The following CSMD1 variants were observed in gnomAD, a reference collection of about 807,000 sequenced individuals.
The protein encoded by CSMD1 is CUB and Sushi multiple domains 1, also known as CUB and sushi domain-containing protein 1.
Under a neutral mutation model 417.5 loss-of-function variants are expected in CSMD1, and 213 were observed. The observed-to-expected ratio is 0.51, with a 90% CI of 0.46 to 0.57. The LOEUF is 0.57. Ranked by LOEUF, CSMD1 falls within the 20% of genes least tolerant of loss-of-function variation. CSMD1 has a pLI of 0.00. For synonymous variants in CSMD1, 2,862 were observed against 1,736.8 expected, an observed-to-expected ratio of 1.65 and a Z score of -16.11; for missense variants, 6,923 against 4,529.7, an observed-to-expected ratio of 1.53 and a Z score of -15.17.
chr8:3,465,160 C>G (rs1460317641), intron 12 of CSMD1, among the ~76,000 whole-genome samples: 1 of 152,088 alleles, frequency 6.6e-6, no homozygotes, highest in Non-Finnish European at 1.5e-5. Context: ...AGCAGGGATC[C>G]CTGTTGTTTT....
chr8:4,190,871 T>C (rs1242756006), intron 3 of CSMD1, among the ~76,000 whole-genome samples: 3 of 151,376 alleles, frequency 2.0e-5, no homozygotes, highest in African/African-American at 7.3e-5. Flanking sequence ...TACCACATGA[T>C]CTGACTTCTA....
chr8:2,964,937 C>A (rs1479101837), intron 59 of CSMD1, among the ~76,000 whole-genome samples: 4 of 152,130 alleles, frequency 2.6e-5, no homozygotes, highest in Admixed American at 1.3e-4. Flanking sequence ...AGTGTCCTAA[C>A]TCTCCCTCCC....
chr8:4,219,794 G>A (rs1195390117), intron 3 of CSMD1, among the ~76,000 whole-genome samples: 1 of 152,138 alleles, frequency 6.6e-6, no homozygotes, highest in Non-Finnish European at 1.5e-5. Flanking sequence ...TAGCCATTAT[G>A]TATTAATGTC....
intron 2 of CSMD1, among the ~76,000 whole-genome samples, chr8:4,549,705 A>T (rs1797780941): frequency 6.6e-6 from 1 of 151,896 alleles, no homozygotes; most frequent in African/African-American, 2.4e-5. Context: ...CCTGGGCAAC[A>T]TGGCAAAACC....
At chr8:3,415,866 C>A (rs1466975877) in intron 12 of CSMD1, among the ~76,000 whole-genome samples, 1 of 152,084 alleles carries the variant, frequency 6.6e-6, no homozygotes, top group East Asian at 1.9e-4. Flanking sequence ...AGAAACATAT[C>A]CCCAAGTTTT....
At chr8:3,888,686 C>G (rs1469952547) in intron 5 of CSMD1, among the ~76,000 whole-genome samples, 1 of 152,124 alleles carries the variant, frequency 6.6e-6, no homozygotes, top group Admixed American at 6.6e-5. Context: ...GAGAAAGAGG[C>G]TGCCGGGACA....
chr8:4,886,934 T>G (rs930198936), intron 1 of CSMD1, among the ~76,000 whole-genome samples: 5 of 152,086 alleles, frequency 3.3e-5, no homozygotes, highest in Non-Finnish European at 7.4e-5. Context: ...AACCAACTTT[T>G]GATTTCACTC....
chr8:3,236,636 C>G (rs761252123), intron 26 of CSMD1, among the ~76,000 whole-genome samples: 13 of 152,220 alleles, frequency 8.5e-5, no homozygotes, highest in Non-Finnish European at 1.5e-4. Context: ...TTTTCCACTT[C>G]AGGCTCTTCA....
At chr8:4,627,654 C>T (rs1802197837) in intron 2 of CSMD1, among the ~76,000 whole-genome samples, 1 of 152,112 alleles carries the variant, frequency 6.6e-6, no homozygotes, top group South Asian at 2.1e-4. Flanking sequence ...CCTCCCATTC[C>T]TGGTCACTCC....
At chr8:4,013,209 G>A (rs1463512853) in intron 4 of CSMD1, among the ~76,000 whole-genome samples, 1 of 151,966 alleles carries the variant, frequency 6.6e-6, no homozygotes, top group African/African-American at 2.4e-5. Context: ...TATCCTCTGG[G>A]ATCCTCCGGG....
In CSMD1 at chr8:3,493,846, AT is replaced by A. The variant is rs1478798027; in HGVS notation, c.1345-121del. On this transcript the variant is annotated intron_variant, in intron 10 of 69. Transcript: ENST00000635120. Reference sequence around the variant, plus strand: ...TGCTCCTTAATGCCAATGTCAAATGATCCCAGAGCTGCTTTAAGTAGTTACA... The same window carrying A: ...TGCTCCTTAATGCCAATGTCAAATGACCCAGAGCTGCTTTAAGTAGTTACA... The A allele has an allele frequency of 7.5e-6, 5 of 663,800 alleles. No individual in the cohort carries two copies. In the African/African-American group the frequency reaches 9.1e-5, roughly 12 times the overall value. The allele number at this position is 663,800 out of a possible 1,614,324, so 41.1% of individuals were successfully genotyped here.
chr8:4,454,978 CAG>C, intron 2 of CSMD1, among the ~76,000 whole-genome samples: 1 of 152,182 alleles, frequency 6.6e-6, no homozygotes, highest in Middle Eastern at 3.4e-3. Context: ...CCTGGGATGG[CAG>C]AGTTAGGAGA....
chr8:3,472,298 G>A (rs180972826), intron 11 of CSMD1, among the ~76,000 whole-genome samples: 58 of 152,126 alleles, frequency 3.8e-4, no homozygotes, highest in African/African-American at 1.3e-3. Flanking sequence ...CCCTCTTGCT[G>A]ACCACACTGC....
intron 10 of CSMD1, among the ~76,000 whole-genome samples, chr8:3,505,050 G>A (rs543646826): frequency 9.9e-5 from 15 of 152,072 alleles, no homozygotes; most frequent in African/African-American, 3.6e-4. Context: ...TAAGATGGGA[G>A]AATAAGCTAG....
At chr8:3,592,359 G>C (rs1800888873) in intron 8 of CSMD1, among the ~76,000 whole-genome samples, 1 of 152,032 alleles carries the variant, frequency 6.6e-6, no homozygotes. Context: ...ATCGAAGGTA[G>C]GCATTTAAAC....
intron 36 of CSMD1, among the ~76,000 whole-genome samples, chr8:3,182,577 GCTGTGTGTGTGTGTGT>G (rs1821407208): frequency 9.1e-6 from 1 of 110,244 alleles, no homozygotes; most frequent in African/African-American, 3.8e-5. Flanking sequence ...TTTATAAGAA[GCTGTGTGTGTGTGTGT>G]GTGTGTGTGT....
At chr8:3,354,249 G>A (rs75167168) in intron 21 of CSMD1, among the ~76,000 whole-genome samples, 3,694 of 152,190 alleles carry the variant, frequency 0.024, 141 homozygotes, top group African/African-American at 0.085. Flanking sequence ...ATAACCTCGA[G>A]CCTATACAAT....
At chr8:4,650,473 T>C (rs965068745) in intron 1 of CSMD1, among the ~76,000 whole-genome samples, 1 of 152,112 alleles carries the variant, frequency 6.6e-6, no homozygotes, top group Non-Finnish European at 1.5e-5. Context: ...TTTAACTTGC[T>C]CCTAAGCTGT....
At chr8:3,228,793 A>G (rs1490178035) in intron 27 of CSMD1, among the ~76,000 whole-genome samples, 1 of 151,930 alleles carries the variant, frequency 6.6e-6, no homozygotes, top group Non-Finnish European at 1.5e-5. Flanking sequence ...AAAAAAAAAA[A>G]CCCTTTCCTA....
Sources: allele counts gnomAD v4.1 joint callset (sites outside exome capture counted in the v4.1 genomes callset), GRCh38; gene constraint gnomAD v4.1.1; transcripts MANE v1.5; gene names NCBI Gene and HGNC (gene_info 2026-07-23, HGNC 2026-07-21).